CSMD1: variants seen among roughly 807,000 people sequenced by gnomAD.
CSMD1 encodes the protein CUB and Sushi multiple domains 1.
Under a neutral mutation model 417.5 loss-of-function variants are expected in CSMD1, and 213 were observed. The observed-to-expected ratio is 0.51, with a 90% confidence interval of 0.46 to 0.57. The LOEUF (loss-of-function observed/expected upper bound fraction) is 0.57, where lower values mean the gene tolerates loss of function less well. Among genes scored for constraint, CSMD1 ranks in the 20% least tolerant of loss-of-function variants. The pLI is 0.00. For synonymous variants in CSMD1, 2,862 were observed against 1,736.8 expected (o/e 1.65, Z -16.11); for missense variants, 6,923 against 4,529.7 (o/e 1.53, Z -15.17).
chr8:4,598,999 A>T (rs1800435174), intron 2 of CSMD1, among the ~76,000 whole-genome samples: 1 of 152,210 alleles, frequency 6.6e-6, no homozygotes, highest in Non-Finnish European at 1.5e-5. Context: ...TGTACCAGAA[A>T]AATTATAAAA....
intron 3 of CSMD1, among the ~76,000 whole-genome samples, chr8:4,338,323 G>A (rs191248938): frequency 4.9e-4 from 75 of 152,200 alleles, no homozygotes; most frequent in Admixed American, 2.5e-3. Flanking sequence ...CATTTACCTC[G>A]TATGTGATCT....
At chr8:3,920,425 A>C (rs1275817534) in intron 5 of CSMD1, among the ~76,000 whole-genome samples, 1 of 151,968 alleles carries the variant, frequency 6.6e-6, no homozygotes, top group Non-Finnish European at 1.5e-5. Flanking sequence ...TAACATCTGA[A>C]AACATAAAAT....
chr8:3,356,682 A>T (rs747972054), intron 21 of CSMD1, among the ~76,000 whole-genome samples: 2 of 146,586 alleles, frequency 1.4e-5, no homozygotes, highest in Non-Finnish European at 3.0e-5. Flanking sequence ...TCTCAAAACA[A>T]AACAACAACA....
At chr8:3,549,880 G>A (rs1372041265) in intron 10 of CSMD1, among the ~76,000 whole-genome samples, 2 of 152,180 alleles carry the variant, frequency 1.3e-5, no homozygotes, top group African/African-American at 2.4e-5. Context: ...TGCTCCAAGT[G>A]TAACAAATGT....
In CSMD1 at chr8:2,962,514, C is replaced by A. The variant is rs375652984; in HGVS notation, c.9580G>T (p.Val3194Phe). 3 of 1,613,876 alleles carry A rather than the reference C, an allele frequency of 1.9e-6. No homozygotes were observed. Among genetic ancestry groups the A allele is most frequent in the Admixed American group, 3.3e-5 (2 of 60,010 alleles). The change falls in exon 61 of 70, where the codon GTC (valine) becomes TTC (phenylalanine). Residue 3194 changes from valine (V) to phenylalanine (F), a missense_variant. By Grantham distance (50) the Val-to-Phe change is conservative. Coordinates refer to ENST00000635120, the MANE Select transcript of CSMD1 (RefSeq NM_033225.6). ...PFILVGSSRR[V>F]CQADGTWSGI... is the part of the protein sequence containing the mutation. ...CTCCACGTGCCGTCAGCTTGGCAGACTCTTCTGGAGGATCCCACGAGTATA... is the reference window on the plus strand; with the variant it reads ...CTCCACGTGCCGTCAGCTTGGCAGAATCTTCTGGAGGATCCCACGAGTATA...
chr8:3,353,339 GCTT>G (rs1253941779), intron 21 of CSMD1, among the ~76,000 whole-genome samples: 1 of 152,192 alleles, frequency 6.6e-6, no homozygotes, highest in Non-Finnish European at 1.5e-5. Flanking sequence ...TCTTGCGGAA[GCTT>G]CTTATCTCCA....
At chr8:4,041,917 T>G (rs1391783425) in intron 3 of CSMD1, among the ~76,000 whole-genome samples, 1 of 152,068 alleles carries the variant, frequency 6.6e-6, no homozygotes, top group Non-Finnish European at 1.5e-5. Flanking sequence ...GAAGGTAACA[T>G]TAATGAACAT....
chr8:4,021,135 G>C (rs1408119733), intron 4 of CSMD1, among the ~76,000 whole-genome samples: 1 of 152,224 alleles, frequency 6.6e-6, no homozygotes, highest in East Asian at 1.9e-4. Flanking sequence ...ACAGTAGCCT[G>C]AAGTGTATGC....
intron 17 of CSMD1, among the ~76,000 whole-genome samples, chr8:3,393,204 G>C (rs1056244629): frequency 2.0e-5 from 3 of 152,150 alleles, no homozygotes; most frequent in Non-Finnish European, 4.4e-5. Context: ...CTATATGCAA[G>C]TCTAGATGTG....
At chr8:3,808,126 G>C (rs1397597900) in intron 5 of CSMD1, among the ~76,000 whole-genome samples, 1 of 152,104 alleles carries the variant, frequency 6.6e-6, no homozygotes, top group Non-Finnish European at 1.5e-5. Flanking sequence ...ACTCAGGAAT[G>C]CATCTCTGTG....
intron 5 of CSMD1, among the ~76,000 whole-genome samples, chr8:3,762,848 G>T (rs11136662): frequency 0.19 from 28,565 of 152,134 alleles, 3,312 homozygotes; most frequent in South Asian, 0.28. Flanking sequence ...AGAGTAAGCA[G>T]CCGAGACACG....
intron 3 of CSMD1, among the ~76,000 whole-genome samples, chr8:4,340,136 G>A (rs1182870573): frequency 6.6e-6 from 1 of 152,020 alleles, no homozygotes; most frequent in Non-Finnish European, 1.5e-5. Context: ...CTCTTTCAGG[G>A]CTCTCATTTA....
intron 3 of CSMD1, among the ~76,000 whole-genome samples, chr8:4,079,217 G>C (rs1451562480): frequency 6.6e-6 from 1 of 152,056 alleles, no homozygotes; most frequent in Non-Finnish European, 1.5e-5. Context: ...CCCACTGTTT[G>C]GTGGGAAACA....
intron 4 of CSMD1, among the ~76,000 whole-genome samples, chr8:4,011,556 C>T (rs1816535805): frequency 6.6e-6 from 1 of 152,138 alleles, no homozygotes; most frequent in Non-Finnish European, 1.5e-5. Context: ...TCAGCCACAG[C>T]CAGAAATCCA....
intron 5 of CSMD1, among the ~76,000 whole-genome samples, chr8:3,986,911 T>A (rs1814370290): frequency 6.6e-6 from 1 of 152,166 alleles, no homozygotes; most frequent in East Asian, 1.9e-4. Flanking sequence ...CACGCCACCA[T>A]GCCCAGCTAA....
At position 4,301,841 on chromosome 8, in the gene CSMD1, G is replaced by A. The variant is rs538145571; in HGVS notation, c.415+118112C>T. ...CCCATAAACTTTTCAGAAAGCATCG[G>A]TGATTTCACCATTCTTCTGCCCAAG... On this transcript the variant is annotated intron_variant, in intron 3 of 69. Coordinates refer to ENST00000635120, the MANE Select transcript of CSMD1 (RefSeq NM_033225.6). Among the ~76,000 whole-genome samples, 3 of 151,804 alleles carry A rather than the reference G, an allele frequency of 2.0e-5. No individual in the cohort carries two copies. In the East Asian group the frequency reaches 5.9e-4, roughly 30 times the overall value.
intron 3 of CSMD1, among the ~76,000 whole-genome samples, chr8:4,037,687 G>T (rs936132556): frequency 3.3e-5 from 5 of 152,156 alleles, no homozygotes; most frequent in Non-Finnish European, 7.3e-5. Context: ...AAAGGGGAAG[G>T]TGTGAAGATT....
intron 52 of CSMD1, among the ~76,000 whole-genome samples, chr8:3,014,834 T>G (rs916293291): frequency 2.6e-5 from 4 of 151,992 alleles, no homozygotes; most frequent in Admixed American, 6.5e-5. Context: ...GAGGAGCACT[T>G]GAGTCCAGGA....
At chr8:3,712,967 C>G (rs1197983861) in intron 6 of CSMD1, among the ~76,000 whole-genome samples, 1 of 152,016 alleles carries the variant, frequency 6.6e-6, no homozygotes, top group South Asian at 2.1e-4. Flanking sequence ...GTATTGTGTG[C>G]TTCAAAGGTG....
Sources: allele counts gnomAD v4.1 joint callset (sites outside exome capture counted in the v4.1 genomes callset), GRCh38; gene constraint gnomAD v4.1.1; transcripts MANE v1.5; gene names NCBI Gene and HGNC (gene_info 2026-07-23, HGNC 2026-07-21).